Variants in MYH10 observed in about 807,000 individuals in gnomAD.
MYH10 encodes the protein myosin heavy chain 10, also known as myosin-10.
A neutral mutation model predicts 257.8 loss-of-function variants in MYH10; 55 were observed. That is an observed-to-expected ratio of 0.21 (90% confidence interval 0.17 to 0.27). MYH10 has a LOEUF of 0.27. MYH10 is among the 10% of genes least tolerant of loss of function. MYH10 has a pLI of 1.00. For missense variants in MYH10, 1,631 were observed against 2,500.6 expected (o/e 0.65, Z 7.42); for synonymous variants, 854 against 921.7 (o/e 0.93, Z 1.33).
intron 1 of MYH10, among the ~76,000 whole-genome samples, chr17:8,623,991 A>T (rs2085575976): frequency 6.6e-6 from 1 of 152,152 alleles, no homozygotes; most frequent in African/African-American, 2.4e-5. Context: ...CCCCTGCCGG[A>T]TCTCTCGCCT....
Position 8,487,419 on chromosome 17 carries a change from G to A in MYH10, c.5046+14C>T, listed in dbSNP as rs756182568. 2 of 1,613,772 alleles carry A rather than the reference G, an allele frequency of 1.2e-6. No individual in the cohort carries two copies. Among genetic ancestry groups the A allele is most frequent in the African/African-American group, 1.3e-5 (1 of 74,926 alleles). On this transcript the variant is annotated intron_variant, in intron 36 of 42. Coordinates refer to ENST00000360416, the MANE Select transcript of MYH10 (RefSeq NM_001256012.3). ...GTGGTGCCATCCAGAGACTCCATGG[G>A]TGAAGGCACATACCTGGAGCTTGCG... is the stretch of plus-strand genomic sequence containing the variant.
intron 6 of MYH10, among the ~76,000 whole-genome samples, chr17:8,571,749 G>A (rs1325617112): frequency 6.6e-6 from 1 of 151,884 alleles, no homozygotes; most frequent in Non-Finnish European, 1.5e-5. Flanking sequence ...AAGAGCGAGA[G>A]ACTCATCTCC....
intron 26 of MYH10, among the ~76,000 whole-genome samples, chr17:8,508,087 C>T (rs969237800): frequency 6.6e-6 from 1 of 152,162 alleles, no homozygotes; most frequent in Non-Finnish European, 1.5e-5. Context: ...CTGTGTTACC[C>T]AGGCTGTAGT....
intron 7 of MYH10, among the ~76,000 whole-genome samples, chr17:8,558,034 T>C (rs1423360625): frequency 1.3e-5 from 2 of 152,174 alleles, no homozygotes; most frequent in African/African-American, 4.8e-5. Flanking sequence ...GTGGTGAGCA[T>C]TTAGTATTTT....
chr17:8,492,631 C>CTTTTTTTTTTTTTTTTTTTTT, intron 33 of MYH10, 122 bp from the exon 34 acceptor site: 1 of 949,304 alleles, frequency 1.1e-6, no homozygotes, highest in Non-Finnish European at 1.5e-6. Context: ...CTTGTATTTC[C>CTTTTTTTTTTTTTTTTTTTTT]TTTTTTTTTT....
At chr17:8,513,996 G>T in intron 21 of MYH10, 102 bp from the exon 22 acceptor site, 2 of 973,624 alleles carry the variant, frequency 2.1e-6, no homozygotes, top group Non-Finnish European at 3.1e-6. Context: ...CTTTGTCTAG[G>T]ATAGGGAATG....
chr17:8,574,770 T>G, intron 6 of MYH10, among the ~76,000 whole-genome samples: 1 of 152,196 alleles, frequency 6.6e-6, no homozygotes, highest in East Asian at 1.9e-4. Flanking sequence ...ACTGTAACCT[T>G]GGAAAGTACA....
rs1308414065 is a variant in MYH10, at chr17:8,486,032, A to G, written c.5046+1401T>C. Among the ~76,000 whole-genome samples the G allele has an allele frequency of 2.0e-5, 3 of 152,342 alleles. No homozygotes were observed. The East Asian group carries it at 5.8e-4, about 29-fold the overall frequency. On this transcript the variant is annotated intron_variant, in intron 36 of 42. Transcript: ENST00000360416. ...GGTACTTGTTCATGTGGCTACATGG[A>G]TGAACTTTGAAAACATCATGCTAAG...
rs923478309 is a variant in MYH10, at chr17:8,588,216, G to A, written c.530+865C>T. Among the ~76,000 whole-genome samples the A allele has an allele frequency of 4.1e-4, 62 of 151,870 alleles. 2 individuals are homozygous for A. The highest frequency in any genetic ancestry group is 3.2e-4 in the Non-Finnish European group (22 of 68,004). ...TTCTTCTAAGGTAATCTCATTCATC[G>A]GCATGGCTTCCATCACCTTCCATGC... On this transcript the variant is annotated intron_variant, in intron 4 of 42. Transcript: ENST00000360416.
At chr17:8,493,174 A>G (rs1385412473) in intron 32 of MYH10, 150 bp from the exon 33 acceptor site, 10 of 827,502 alleles carry the variant, frequency 1.2e-5, no homozygotes, top group Non-Finnish European at 1.9e-5. Context: ...AGCCAGGCCA[A>G]CATAGTGAAA....
At chr17:8,530,745 G>A in intron 16 of MYH10, 60 bp from the exon 17 acceptor site, 1 of 1,306,958 alleles carries the variant, frequency 7.7e-7, no homozygotes, top group Non-Finnish European at 1.1e-6. Context: ...ACTTCAGTTA[G>A]TGTGAAAGAC....
intron 3 of MYH10, among the ~76,000 whole-genome samples, chr17:8,589,969 G>A (rs1047976225): frequency 6.6e-6 from 1 of 152,156 alleles, no homozygotes; most frequent in Non-Finnish European, 1.5e-5. Context: ...GCCAGGATGA[G>A]GACCCAGGCC....
At chr17:8,607,234 G>T (rs1210996409) in intron 2 of MYH10, among the ~76,000 whole-genome samples, 1 of 152,110 alleles carries the variant, frequency 6.6e-6, no homozygotes, top group Admixed American at 6.5e-5. Flanking sequence ...TTTATAAAAG[G>T]CATGTAATTA....
chr17:8,588,983 A>G, intron 4 of MYH10, 98 bp downstream of exon 4: 1 of 1,148,382 alleles, frequency 8.7e-7, no homozygotes, highest in South Asian at 1.3e-5. Flanking sequence ...AAACTCTTAA[A>G]AATTACTGCT....
chr17:8,535,318 A>C lies in MYH10; in HGVS notation c.1894+69T>G, dbSNP rs972608575. 5.1e-6 allele frequency: 6 copies of C among 1,172,200 alleles called. No individual in the cohort carries two copies. The highest frequency in any genetic ancestry group is 2.1e-5 in the Admixed American group (1 of 47,604). 72.6% of individuals were successfully genotyped at this position (1,172,200 alleles called of 1,614,324 possible). The stretch of plus-strand genomic sequence containing the variant: ...ATATGTATCCATATATATGTAAAAG[A>C]ACCATCTATAAACCTTAATTATAAA... On this transcript the variant is annotated intron_variant, in intron 16 of 42. Coordinates refer to ENST00000360416, the MANE Select transcript of MYH10 (RefSeq NM_001256012.3). The surrounding 1 kb of genome is among the most constrained non-coding windows in gnomAD (Gnocchi z 4.3).
chr17:8,545,185 G>A lies in MYH10; in HGVS notation c.1431+263C>T, dbSNP rs1182800596. ...TGGCAGCTTCTCATCCTTCAAGTAA[G>A]CCTAACTGTTGCCAATGCAGAAGCA... On this transcript the variant is annotated intron_variant, in intron 13 of 42. Transcript: ENST00000360416. The surrounding 1 kb of genome is among the most constrained non-coding windows in gnomAD (Gnocchi z 4.7). Among the ~76,000 whole-genome samples, 2 of 152,226 alleles carry A rather than the reference G, an allele frequency of 1.3e-5. No homozygotes were observed. The highest frequency in any genetic ancestry group is 2.4e-5 in the African/African-American group (1 of 41,450).
rs1378626635 is a variant in MYH10 at position 8,490,251 on chromosome 17, G to A, written c.4884+89C>T. On this transcript the variant is annotated intron_variant, in intron 35 of 42. Transcript: ENST00000360416. The surrounding 1 kb of genome is among the most constrained non-coding windows in gnomAD (Gnocchi z 4.1). ...TGTTACTCTGTGTTTACTCAGATGTGTTCTAACACGAATGAACAGGATACT... is the reference window on the plus strand; with the variant it reads ...TGTTACTCTGTGTTTACTCAGATGTATTCTAACACGAATGAACAGGATACT... 3.6e-6 allele frequency: 4 copies of A among 1,126,290 alleles called. No homozygotes were observed. The highest frequency in any genetic ancestry group is 3.4e-5 in the Admixed American group (2 of 58,646). 69.8% of individuals were successfully genotyped at this position (1,126,290 alleles called of 1,614,324 possible). A position where few individuals can be genotyped will look rare whatever the true frequency, so the allele number is the denominator to read the frequency against.
At chr17:8,626,564 C>T (rs1185441175) in intron 1 of MYH10, among the ~76,000 whole-genome samples, 2 of 122,010 alleles carry the variant, frequency 1.6e-5, no homozygotes, top group African/African-American at 3.4e-5. Flanking sequence ...GAGACTCTGT[C>T]TCAAAATAAT....
chr17:8,545,946 G>C lies in MYH10; in HGVS notation c.1279-346C>G, dbSNP rs8068908. 0.96 allele frequency among the ~76,000 whole-genome samples: 146,858 copies of C among 152,278 alleles called. 71,050 individuals are homozygous for C. The highest frequency in any genetic ancestry group is 1 in the East Asian group (5,180 of 5,180). On this transcript the variant is annotated intron_variant, in intron 12 of 42. Transcript: ENST00000360416. The surrounding 1 kb of genome is among the most constrained non-coding windows in gnomAD (Gnocchi z 4.7). ...CAAGGACAAGGCGGCAGGGGCCCTT[G>C]TGTTGGTCTGGTTCCCGAAGTATGC...
Sources: gnomAD v4.1 joint callset for allele counts (sites outside exome capture counted in the v4.1 genomes callset) on GRCh38, gnomAD v4.1.1 for gene constraint, Gnocchi (gnomAD v3.1) non-coding constraint, MANE v1.5 for transcripts, NCBI Gene and HGNC (gene_info 2026-07-23, HGNC 2026-07-21) for gene names.